The following CC2D2A variants were observed in gnomAD, a reference collection of about 807,000 sequenced individuals.
The protein encoded by CC2D2A is coiled-coil and C2 domain containing 2A, also known as coiled-coil and C2 domain-containing protein 2A.
Under a neutral mutation model 212.9 loss-of-function variants are expected in CC2D2A, and 155 were observed. The ratio of observed to expected loss-of-function variants is 0.73; its 90% CI spans 0.64 to 0.83. The LOEUF is 0.83. Ranked by LOEUF, CC2D2A falls within the 40% of genes least tolerant of loss-of-function variation. CC2D2A has a pLI of 0.00. For missense variants in CC2D2A, 1,856 were observed against 1,956.2 expected, an observed-to-expected ratio of 0.95 and a Z score of 0.97; for synonymous variants, 667 against 686.5, an observed-to-expected ratio of 0.97 and a Z score of 0.44.
Position 15,502,494 on chromosome 4 carries a change from A to T in CC2D2A, c.313A>T (p.Arg105Trp). 6.2e-7 allele frequency: 1 copy of T among 1,607,456 alleles called. No homozygotes were observed. Among genetic ancestry groups the T allele is most frequent in the South Asian group, 1.1e-5 (1 of 88,326 alleles). Residue 105 changes from arginine (R) to tryptophan (W), a missense_variant, in exon 5 of 37, where the codon AGG becomes TGG. Around this residue, in one of 5 missense-constraint regions of CC2D2A, gnomAD observed 1,512 missense variants for 1,579.3 expected, o/e 0.96. Transcript: ENST00000424120. ...FAEFSMRGRM[R>W]EKLQAARSKA... is the part of the protein sequence containing the mutation. ...AGAATTTTCCATGAGGGGACGCATGAGGGAGAAATTGCAAGCAGCGAGGGT... is the reference window on the plus strand; with the variant it reads ...AGAATTTTCCATGAGGGGACGCATGTGGGAGAAATTGCAAGCAGCGAGGGT...
In CC2D2A at chr4:15,555,072, T is replaced by G; in HGVS notation, c.2487T>G (p.Ser829Arg). ...PLSQQNIGFRSALKKADAISS... is the reference protein window; with the variant it reads ...PLSQQNIGFRRALKKADAISS... ...TCATGGAATCAACTCTTCTTTTCAG[T>G]GCTTTGAAGAAAGCAGATGCCATCT... The change falls in exon 20 of 37, where the codon AGT becomes AGG. Residue 829 changes from serine to arginine, a missense_variant and splice_region_variant. Physicochemically the swap from Ser to Arg is moderately radical, Grantham distance 110 (BLOSUM62 -1). This residue lies in a region of CC2D2A where 1,512 missense variants were observed against 1,579.3 expected (regional missense o/e 0.96). Coordinates refer to ENST00000424120, the MANE Select transcript of CC2D2A (RefSeq NM_001378615.1). 1 of 1,608,940 alleles carries G rather than the reference T, an allele frequency of 6.2e-7. No individual in the cohort carries two copies. Among genetic ancestry groups the G allele is most frequent in the Non-Finnish European group, 8.5e-7 (1 of 1,177,336 alleles).
intron 4 of CC2D2A, chr4:15,492,749 T>C (rs1577321993): frequency 1.2e-6 from 1 of 824,118 alleles, no homozygotes; most frequent in East Asian, 3.0e-5. Flanking sequence ...ATGTGGGCCA[T>C]GAGGTCCACC....
chr4:15,514,916 A>C (rs780591233), intron 9 of CC2D2A, 47 bp downstream of exon 9: 1 of 1,567,050 alleles, frequency 6.4e-7, no homozygotes. Flanking sequence ...ATCGTCACTT[A>C]CCTTGTCATG....
intron 33 of CC2D2A, among the ~76,000 whole-genome samples, chr4:15,590,731 AT>A (rs977858117): frequency 1.3e-5 from 2 of 152,120 alleles, no homozygotes; most frequent in African/African-American, 4.8e-5. Flanking sequence ...CTCTTTAATT[AT>A]TTTTTTAATT....
chr4:15,592,088 A>C (rs757719033), intron 33 of CC2D2A, among the ~76,000 whole-genome samples: 3 of 152,078 alleles, frequency 2.0e-5, no homozygotes, highest in Non-Finnish European at 4.4e-5. Context: ...TTTGGATGTC[A>C]GTCTTTTTCC....
Position 15,515,968 on chromosome 4 carries a change from G to T in CC2D2A, c.981G>T (p.Gln327His). 1 of 1,586,272 alleles carries T rather than the reference G, an allele frequency of 6.3e-7. No individual in the cohort carries two copies. Among genetic ancestry groups the T allele is most frequent in the Non-Finnish European group, 8.6e-7 (1 of 1,165,960 alleles). ...GVRPEVARTNQNIMENRLLMQ... is the reference protein window; with the variant it reads ...GVRPEVARTNHNIMENRLLMQ... ...GACCAGAGGTGGCACGCACCAATCA[G>T]AACATCATGGAGAACAGATTGCTGA... is the stretch of plus-strand genomic sequence containing the variant. Residue 327 changes from glutamine (Q) to histidine (H), a missense_variant, in exon 10 of 37, where the codon CAG (glutamine) becomes CAT (histidine). Gln to His is a conservative substitution (Grantham distance 24). This residue lies in a region of CC2D2A where 1,512 missense variants were observed against 1,579.3 expected (regional missense o/e 0.96). Coordinates refer to ENST00000424120, the MANE Select transcript of CC2D2A (RefSeq NM_001378615.1).
In CC2D2A at chr4:15,516,696, G is replaced by T. The variant is rs932081561; in HGVS notation, c.1089G>T (p.Arg363Ser). 1 of 1,613,392 alleles carries T rather than the reference G, an allele frequency of 6.2e-7. No homozygotes were observed. The highest frequency in any genetic ancestry group is 8.5e-7 in the Non-Finnish European group (1 of 1,179,620). Residue 363 changes from arginine to serine, a missense_variant, in exon 11 of 37, where the codon AGG (arginine) becomes AGT (serine). By Grantham distance (110) the Arg-to-Ser change is moderately radical. Coordinates refer to ENST00000424120, the MANE Select transcript of CC2D2A (RefSeq NM_001378615.1). ...LPNPIKPFPS[R>S]PPVLTQEQSI... ...ACCCCATCAAGCCATTTCCTTCAAG[G>T]CCGCCAGTACTAACACAGGAGCAGA...
At chr4:15,519,206 T>C in intron 11 of CC2D2A, 5 of 297,888 alleles carry the variant, frequency 1.7e-5, no homozygotes, top group South Asian at 1.4e-4. Context: ...TCTCTCAAGT[T>C]CAAAGTTCCA....
chr4:15,514,099 GC>G (rs1438278813), intron 8 of CC2D2A, among the ~76,000 whole-genome samples: 2 of 152,190 alleles, frequency 1.3e-5, no homozygotes. Context: ...TGTGATTATA[GC>G]CTCTTTGCTT....
At chr4:15,573,900 C>T (rs1238564055) in intron 28 of CC2D2A, among the ~76,000 whole-genome samples, 1 of 152,144 alleles carries the variant, frequency 6.6e-6, no homozygotes, top group African/African-American at 2.4e-5. Flanking sequence ...TGCGTTTAAA[C>T]CAAGACTTGA....
At position 15,514,836 on chromosome 4, in the gene CC2D2A, A is replaced by C. The variant is rs201649290; in HGVS notation, c.847A>C (p.Arg283=). 21 of 1,613,842 alleles carry C rather than the reference A, an allele frequency of 1.3e-5. No homozygotes were observed. In the African/African-American group the frequency reaches 2.7e-4, roughly 21 times the overall value. Residue 283 remains arginine, a synonymous_variant, in exon 9 of 37, where the codon AGA becomes CGA. Coordinates refer to ENST00000424120, the MANE Select transcript of CC2D2A (RefSeq NM_001378615.1). Reference sequence around the variant, plus strand: ...CATCCATGATCGGCTGCAGATGGAAAGAGAAATGCTCTTCATACCCAGTAG... The same window carrying C: ...CATCCATGATCGGCTGCAGATGGAACGAGAAATGCTCTTCATACCCAGTAG... ...ESIHDRLQME[R]EMLFIPSRQT... is the part of the protein sequence containing the mutation.
intron 11 of CC2D2A, among the ~76,000 whole-genome samples, chr4:15,524,574 C>T (rs890383127): frequency 5.3e-5 from 8 of 151,700 alleles, no homozygotes; most frequent in Admixed American, 1.3e-4. Flanking sequence ...CCTCAGCCTC[C>T]CAAGTAGCTG....
rs925508806 is a variant in CC2D2A at position 15,579,817 on chromosome 4, A to G, written c.3772-151A>G. On this transcript the variant is annotated intron_variant, in intron 29 of 36. Coordinates refer to ENST00000424120, the MANE Select transcript of CC2D2A (RefSeq NM_001378615.1). Reference sequence around the variant, plus strand: ...TTCAAACTACAAATTTAATTTAAATAAAGCTGCAGGGACACCAGGACATGA... The same window carrying G: ...TTCAAACTACAAATTTAATTTAAATGAAGCTGCAGGGACACCAGGACATGA... The G allele has an allele frequency of 4.9e-6, 3 of 608,104 alleles. No homozygotes were observed. In the African/African-American group the frequency reaches 5.6e-5, roughly 11 times the overall value. 37.7% of individuals were successfully genotyped at this position (608,104 alleles called of 1,614,324 possible).
chr4:15,536,823 A>G (rs1718156958), intron 14 of CC2D2A, 97 bp from the exon 15 acceptor site: 24 of 1,123,222 alleles, frequency 2.1e-5, no homozygotes, highest in Non-Finnish European at 2.7e-5. Context: ...TAGAAGAGGA[A>G]CTGGCACATA....
At chr4:15,591,468 C>T (rs1213724576) in intron 33 of CC2D2A, among the ~76,000 whole-genome samples, 4 of 152,146 alleles carry the variant, frequency 2.6e-5, no homozygotes, top group South Asian at 2.1e-4. Context: ...ATCTGCCCGC[C>T]TCAGCCTCCC....
intron 28 of CC2D2A, among the ~76,000 whole-genome samples, chr4:15,573,755 C>T (rs926424858): frequency 6.6e-6 from 1 of 152,198 alleles, no homozygotes; most frequent in African/African-American, 2.4e-5. Context: ...ATATGCTGGA[C>T]ATTTTTCTTA....
At chr4:15,480,323 A>G (rs1237247308) in intron 3 of CC2D2A, among the ~76,000 whole-genome samples, 1 of 152,126 alleles carries the variant, frequency 6.6e-6, no homozygotes, top group African/African-American at 2.4e-5. Flanking sequence ...CAAAGGGTGG[A>G]CTAAATATTT....
At chr4:15,580,209 T>G (rs1720601007) in intron 30 of CC2D2A, 38 bp downstream of exon 30, 1 of 1,473,218 alleles carries the variant, frequency 6.8e-7, no homozygotes, top group Non-Finnish European at 9.4e-7. Flanking sequence ...GTGCTAAAAC[T>G]GTTTTCACAT....
intron 34 of CC2D2A, 134 bp from the exon 35 acceptor site, chr4:15,597,273 G>A (rs2072684868): frequency 2.8e-6 from 2 of 702,050 alleles, no homozygotes; most frequent in African/African-American, 1.8e-5. Flanking sequence ...TGGGTCATGG[G>A]TACATCAGCA....
Sources: allele counts gnomAD v4.1 joint callset (sites outside exome capture counted in the v4.1 genomes callset), GRCh38; gene constraint gnomAD v4.1.1; regional missense constraint gnomAD v4.1.1; transcripts MANE v1.5; gene names NCBI Gene and HGNC (gene_info 2026-07-23, HGNC 2026-07-21).